The following CFAP54 variants were observed in gnomAD, a reference collection of about 807,000 sequenced individuals.
CFAP54 encodes the protein cilia- and flagella-associated protein 54.
Under a neutral mutation model 370.4 loss-of-function variants are expected in CFAP54, and 290 were observed. The ratio of observed to expected loss-of-function variants is 0.78; its 90% confidence interval spans 0.71 to 0.86. The LOEUF (loss-of-function observed/expected upper bound fraction) is 0.86, where lower values mean the gene tolerates loss of function less well. Ranked by LOEUF, CFAP54 falls within the 40% of genes least tolerant of loss-of-function variation. The probability of loss-of-function intolerance (pLI) is 0.00; values close to 1 mark genes in which losing one functional copy is unlikely to be tolerated. For missense variants in CFAP54, 3,399 were observed against 3,528.7 expected, an observed-to-expected ratio of 0.96 and a Z score of 0.93; for synonymous variants, 1,206 against 1,236.5, an observed-to-expected ratio of 0.98 and a Z score of 0.52.
chr12:96,502,770 C>T (rs2136349423), intron 2 of CFAP54, among the ~76,000 whole-genome samples: 1 of 152,248 alleles, frequency 6.6e-6, no homozygotes, highest in East Asian at 1.9e-4. Context: ...GTCCCCTGCC[C>T]TGAAACCCTC....
At chr12:96,522,026 A>G (rs900086965) in intron 7 of CFAP54, 56 bp downstream of exon 7, 1 of 1,523,224 alleles carries the variant, frequency 6.6e-7, no homozygotes, top group African/African-American at 1.4e-5. Context: ...CTGATTAAAT[A>G]CTTAGTAGTT....
At position 96,693,706 on chromosome 12, in the gene CFAP54, G is replaced by A. The variant is rs750506901; in HGVS notation, c.6265-16G>A. On this transcript the variant is annotated splice_polypyrimidine_tract_variant and intron_variant, in intron 44 of 67. Transcript: ENST00000524981. ...TAAAATATATTTTGAAACAAAGAGT[G>A]TTTTTCTCCTGATAGGTTCTGCCTC... 2.7e-6 allele frequency: 4 copies of A among 1,488,332 alleles called. No individual in the cohort carries two copies. The South Asian group carries it at 4.8e-5, about 18-fold the overall frequency. The allele number at this position is 1,488,332 out of a possible 1,614,324, so 92.2% of individuals were successfully genotyped here.
chr12:96,776,170 C>G, intron 60 of CFAP54, among the ~76,000 whole-genome samples: 1 of 151,920 alleles, frequency 6.6e-6, no homozygotes. Context: ...GAAAACTTCT[C>G]ACAAATGATA....
chr12:96,768,715 A>G (rs937191825), intron 60 of CFAP54, among the ~76,000 whole-genome samples: 1 of 152,154 alleles, frequency 6.6e-6, no homozygotes, highest in Non-Finnish European at 1.5e-5. Context: ...ACAAACAAAA[A>G]AAGAAGCAGA....
intron 9 of CFAP54, among the ~76,000 whole-genome samples, chr12:96,529,447 G>C (rs1353749118): frequency 6.6e-6 from 1 of 151,938 alleles, no homozygotes; most frequent in Non-Finnish European, 1.5e-5. Context: ...TTTACAAAGT[G>C]GTTTTTTTTA....
chr12:96,623,879 A>C lies in CFAP54; in HGVS notation c.3884A>C (p.Gln1295Pro). The C allele has an allele frequency of 1.2e-5, 18 of 1,519,664 alleles. No individual in the cohort carries two copies. Among genetic ancestry groups the C allele is most frequent in the Non-Finnish European group, 1.6e-5 (18 of 1,134,546 alleles). The allele number at this position is 1,519,664 out of a possible 1,614,324, so 94.1% of individuals were successfully genotyped here. Residue 1295 changes from glutamine (Q) to proline (P), a missense_variant and splice_region_variant, in exon 28 of 68, where the codon CAA (glutamine) becomes CCA (proline). Physicochemically the swap from Gln to Pro is moderately conservative, Grantham distance 76. Transcript: ENST00000524981. Reference protein sequence around the residue: ...LETHLLKLTKQYVTSELSGGE... With the variant: ...LETHLLKLTKPYVTSELSGGE... ...ACACACCTACTCAAACTGACAAAGC[A>C]ATGTAATCATTTGTTTTCTGTATAC...
intron 15 of CFAP54, among the ~76,000 whole-genome samples, chr12:96,551,834 T>G (rs1474778913): frequency 2.0e-5 from 3 of 152,018 alleles, no homozygotes; most frequent in Admixed American, 2.0e-4. Flanking sequence ...AAGCAGCCCT[T>G]TAATAGTGGT....
intron 66 of CFAP54, among the ~76,000 whole-genome samples, chr12:96,840,622 C>CTTTTT (rs1491169613): frequency 3.0e-5 from 2 of 67,024 alleles, no homozygotes; most frequent in African/African-American, 7.6e-5. Flanking sequence ...TTCTCTGTTT[C>CTTTTT]TTTCTTTTTT....
intron 26 of CFAP54, among the ~76,000 whole-genome samples, chr12:96,614,072 T>C: frequency 6.6e-6 from 1 of 152,140 alleles, no homozygotes; most frequent in East Asian, 1.9e-4. Context: ...AAAGAGAATT[T>C]TAGACCAATA....
chr12:96,833,848 C>T (rs1294190318), intron 66 of CFAP54, among the ~76,000 whole-genome samples: 1 of 151,976 alleles, frequency 6.6e-6, no homozygotes. Flanking sequence ...GAGCACATGG[C>T]ATGTGCAGAC....
At chr12:96,786,131 T>C (rs1003634956) in intron 61 of CFAP54, among the ~76,000 whole-genome samples, 4 of 152,150 alleles carry the variant, frequency 2.6e-5, no homozygotes, top group Non-Finnish European at 5.9e-5. Flanking sequence ...ATGGAATGTA[T>C]GGCACCATTG....
intron 65 of CFAP54, among the ~76,000 whole-genome samples, chr12:96,821,098 C>G (rs1045307131): frequency 6.6e-6 from 1 of 152,098 alleles, no homozygotes; most frequent in Non-Finnish European, 1.5e-5. Context: ...TTTCCTGGAG[C>G]TCATTTTCCT....
At chr12:96,493,369 G>A (rs1009084692) in intron 1 of CFAP54, among the ~76,000 whole-genome samples, 1 of 152,324 alleles carries the variant, frequency 6.6e-6, no homozygotes, top group South Asian at 2.1e-4. Context: ...AGTAACTGCT[G>A]AGCACTTATA....
At chr12:96,616,737 A>T (rs1956423520) in intron 26 of CFAP54, among the ~76,000 whole-genome samples, 1 of 152,192 alleles carries the variant, frequency 6.6e-6, no homozygotes. Context: ...TGGAGGATAT[A>T]ATGCAATATT....
At chr12:96,579,926 A>G (rs925496271) in intron 20 of CFAP54, among the ~76,000 whole-genome samples, 4 of 151,804 alleles carry the variant, frequency 2.6e-5, no homozygotes, top group African/African-American at 9.7e-5. Context: ...AAGTAATATC[A>G]TGTTTCAGAA....
At chr12:96,552,478 G>T (rs1427861423) in intron 15 of CFAP54, among the ~76,000 whole-genome samples, 3 of 151,806 alleles carry the variant, frequency 2.0e-5, no homozygotes, top group Non-Finnish European at 4.4e-5. Flanking sequence ...CAAGTATGTG[G>T]GACTACAGGT....
chr12:96,725,710 A>G (rs564212376), intron 50 of CFAP54, among the ~76,000 whole-genome samples: 7 of 152,316 alleles, frequency 4.6e-5, no homozygotes, highest in South Asian at 2.1e-4. Flanking sequence ...TTCCAACACT[A>G]TGTTGAATAG....
chr12:96,580,748 T>A, intron 21 of CFAP54, 59 bp downstream of exon 21: 3 of 1,218,524 alleles, frequency 2.5e-6, no homozygotes, highest in Non-Finnish European at 3.4e-6. Flanking sequence ...ATTAAATTTT[T>A]AAATGAAGTC....
chr12:96,846,580 T>A (rs1333302031), intron 66 of CFAP54, among the ~76,000 whole-genome samples: 3 of 152,224 alleles, frequency 2.0e-5, no homozygotes, highest in Non-Finnish European at 2.9e-5. Context: ...TCTGAATATG[T>A]ACGGCCTAAA....
Sources: allele counts gnomAD v4.1 joint callset (sites outside exome capture counted in the v4.1 genomes callset), GRCh38; gene constraint gnomAD v4.1.1; transcripts MANE v1.5; gene names NCBI Gene and HGNC (gene_info 2026-07-23, HGNC 2026-07-21).